Variants in XKR6 observed in about 807,000 individuals in gnomAD.
The protein encoded by XKR6 is XK-related protein 6.
A neutral mutation model predicts 56.7 loss-of-function variants in XKR6; 22 were observed. The observed-to-expected ratio is 0.39, with a 90% CI of 0.28 to 0.55. The LOEUF (loss-of-function observed/expected upper bound fraction) is 0.55, where lower values mean the gene tolerates loss of function less well. Ranked by LOEUF, XKR6 falls within the 20% of genes least tolerant of loss-of-function variation. The pLI, the probability that XKR6 is intolerant of heterozygous loss-of-function variation, is 0.66. For synonymous variants in XKR6, 524 were observed against 387.8 expected (o/e 1.35, Z -4.13); for missense variants, 852 against 889.0 (o/e 0.96, Z 0.53).
At chr8:11,021,518 A>G (rs1798748660) in intron 1 of XKR6, among the ~76,000 whole-genome samples, 1 of 152,148 alleles carries the variant, frequency 6.6e-6, no homozygotes, top group African/African-American at 2.4e-5. Flanking sequence ...GCCCAGCACA[A>G]TTCATTAGTA....
chr8:11,061,387 A>T (rs1250460763), intron 1 of XKR6, among the ~76,000 whole-genome samples: 1 of 151,824 alleles, frequency 6.6e-6, no homozygotes, highest in Non-Finnish European at 1.5e-5. Flanking sequence ...GATCACCTGA[A>T]CCTGGGGAGG....
chr8:10,990,107 C>T (rs759539630), intron 1 of XKR6, among the ~76,000 whole-genome samples: 2 of 152,280 alleles, frequency 1.3e-5, no homozygotes, highest in East Asian at 1.9e-4. Flanking sequence ...ACTGCAGTGT[C>T]CCCACCACTA....
chr8:11,031,943 C>T (rs953953809), intron 1 of XKR6, among the ~76,000 whole-genome samples: 1 of 152,216 alleles, frequency 6.6e-6, no homozygotes, highest in African/African-American at 2.4e-5. Context: ...AATGAGTGCA[C>T]AGGGAGATCC....
At chr8:11,140,609 C>A (rs1360933044) in intron 1 of XKR6, among the ~76,000 whole-genome samples, 1 of 152,012 alleles carries the variant, frequency 6.6e-6, no homozygotes, top group Non-Finnish European at 1.5e-5. Context: ...TCTTAAGAAC[C>A]CTTCCTGGCC....
At chr8:10,900,929 A>C (rs1800019166) in intron 2 of XKR6, among the ~76,000 whole-genome samples, 1 of 138,566 alleles carries the variant, frequency 7.2e-6, no homozygotes, top group Non-Finnish European at 1.5e-5. Flanking sequence ...ATCATTGCTC[A>C]CTGAAGCCTC....
At chr8:11,003,962 T>G (rs1462158847) in intron 1 of XKR6, among the ~76,000 whole-genome samples, 1 of 151,998 alleles carries the variant, frequency 6.6e-6, no homozygotes, top group Non-Finnish European at 1.5e-5. Flanking sequence ...AGACAGCAGG[T>G]GCAAAAGCAG....
At chr8:11,006,107 G>A (rs142683882) in intron 1 of XKR6, among the ~76,000 whole-genome samples, 263 of 152,224 alleles carry the variant, frequency 1.7e-3, no homozygotes, top group African/African-American at 6.1e-3. Context: ...GCCTCCCAAA[G>A]TGCTGCGATT....
chr8:11,035,246 C>T (rs909790045), intron 1 of XKR6: 6 of 534,676 alleles, frequency 1.1e-5, no homozygotes, highest in Admixed American at 1.9e-5. Flanking sequence ...TGACGTAGCA[C>T]CCCATTTCCA....
At chr8:10,989,202 G>C (rs963954435) in intron 1 of XKR6, among the ~76,000 whole-genome samples, 1 of 152,240 alleles carries the variant, frequency 6.6e-6, no homozygotes, top group Non-Finnish European at 1.5e-5. Flanking sequence ...TCAGAGCCCA[G>C]TGGTTGAATA....
intron 1 of XKR6, among the ~76,000 whole-genome samples, chr8:10,954,312 A>G (rs927219716): frequency 3.8e-4 from 58 of 152,316 alleles, no homozygotes; most frequent in African/African-American, 1.3e-3. Flanking sequence ...ATTTCTGCAC[A>G]TCCTTGTCAA....
intron 1 of XKR6, among the ~76,000 whole-genome samples, chr8:11,148,266 C>A (rs1801093122): frequency 6.6e-6 from 1 of 152,006 alleles, no homozygotes; most frequent in African/African-American, 2.4e-5. Context: ...CATGGTGGAC[C>A]CTAATCTGAT....
intron 2 of XKR6, among the ~76,000 whole-genome samples, chr8:10,906,254 C>A (rs1800187325): frequency 6.6e-6 from 1 of 152,218 alleles, no homozygotes; most frequent in African/African-American, 2.4e-5. Context: ...CCACCAAATC[C>A]TGCTAAATGT....
intron 1 of XKR6, among the ~76,000 whole-genome samples, chr8:11,010,303 G>T (rs571543509): frequency 7.2e-5 from 11 of 152,106 alleles, no homozygotes; most frequent in Non-Finnish European, 1.5e-4. Context: ...TTCCAACATT[G>T]GGAATTACAA....
intron 1 of XKR6, among the ~76,000 whole-genome samples, chr8:11,132,691 C>G (rs1707772442): frequency 6.6e-6 from 1 of 151,860 alleles, no homozygotes; most frequent in Admixed American, 6.6e-5. Flanking sequence ...CTATGTCATA[C>G]CTGGCAATGG....
intron 1 of XKR6, among the ~76,000 whole-genome samples, chr8:11,049,726 A>T (rs761200429): frequency 6.6e-6 from 1 of 152,194 alleles, no homozygotes; most frequent in Non-Finnish European, 1.5e-5. Context: ...AAAAACCAAA[A>T]ACATTCTCTC....
chr8:11,182,403 TAA>T (rs1195555035), intron 1 of XKR6, among the ~76,000 whole-genome samples: 1 of 152,240 alleles, frequency 6.6e-6, no homozygotes, highest in Non-Finnish European at 1.5e-5. Context: ...ACACCAGGAC[TAA>T]CTTTGTACCT....
chr8:11,011,034 G>A (rs944305883), intron 1 of XKR6, among the ~76,000 whole-genome samples: 14 of 152,210 alleles, frequency 9.2e-5, no homozygotes, highest in African/African-American at 3.4e-4. Context: ...AATCAGTCAA[G>A]ATTATTATTA....
At chr8:11,122,747 C>T (rs1024881663) in intron 1 of XKR6, among the ~76,000 whole-genome samples, 17 of 152,168 alleles carry the variant, frequency 1.1e-4, no homozygotes, top group Admixed American at 1.1e-3. Context: ...CTGTTAGCAT[C>T]TCATTTTAGT....
At chr8:10,929,040 G>C (rs757834387) in intron 1 of XKR6, among the ~76,000 whole-genome samples, 19 of 152,316 alleles carry the variant, frequency 1.2e-4, no homozygotes, top group African/African-American at 4.3e-4. Context: ...CCAGTCTTGA[G>C]CAAGTCACCT....
Sources: allele counts gnomAD v4.1 joint callset (sites outside exome capture counted in the v4.1 genomes callset), GRCh38; gene constraint gnomAD v4.1.1; transcripts MANE v1.5; gene names NCBI Gene and HGNC (gene_info 2026-07-23, HGNC 2026-07-21).